Variants in FBN2 observed in about 807,000 individuals in gnomAD.
FBN2 encodes fibrillin-2.
In FBN2, 105 loss-of-function variants were observed where a neutral mutation model predicts 355.6. The ratio of observed to expected loss-of-function variants is 0.30; its 90% CI spans 0.25 to 0.35. FBN2 has a LOEUF of 0.35. FBN2 is among the 10% of genes least tolerant of loss of function. The pLI is 1.00. For missense variants in FBN2, 3,280 were observed against 3,758.7 expected, an observed-to-expected ratio of 0.87 and a Z score of 3.33; for synonymous variants, 1,350 against 1,301.2, an observed-to-expected ratio of 1.04 and a Z score of -0.81.
intron 34 of FBN2, 116 bp downstream of exon 34, chr5:128,328,580 A>T: frequency 9.5e-7 from 1 of 1,047,618 alleles, no homozygotes; most frequent in Non-Finnish European, 1.5e-6. Context: ...TGACTTTTAT[A>T]GTGCAGCATG....
At chr5:128,294,684 TG>T (rs1561753493) in intron 48 of FBN2, among the ~76,000 whole-genome samples, 1 of 149,230 alleles carries the variant, frequency 6.7e-6, no homozygotes, top group Admixed American at 6.7e-5. Flanking sequence ...TTGATGGGGT[TG>T]TTTGTTTTTT....
Position 128,537,583 on chromosome 5 carries a change from C to T in FBN2, c.21G>A (p.Leu7=), listed in dbSNP as rs1002853093. ...GCCACAGGAAGTAGAGCTGGAGACA[C>T]AGCCTCCGTCTTCTCCCCATCGCCG... MGRRRR[L]CLQLYFLWLG... is the part of the protein sequence containing the mutation. Residue 7 remains leucine (L), a synonymous_variant, in exon 1 of 65, where the codon CTG becomes CTA. Transcript: ENST00000262464. 7 of 1,607,424 alleles carry T rather than the reference C, an allele frequency of 4.4e-6. No individual in the cohort carries two copies. Among genetic ancestry groups the T allele is most frequent in the Non-Finnish European group, 5.1e-6 (6 of 1,178,238 alleles).
chr5:128,384,774 G>A (rs573946163), intron 11 of FBN2, among the ~76,000 whole-genome samples: 1 of 152,174 alleles, frequency 6.6e-6, no homozygotes, highest in South Asian at 2.1e-4. Context: ...CAAGGCTCTA[G>A]ATGAAATTAT....
At chr5:128,340,761 T>G (rs1314150843) in intron 25 of FBN2, among the ~76,000 whole-genome samples, 1 of 152,164 alleles carries the variant, frequency 6.6e-6, no homozygotes, top group African/African-American at 2.4e-5. Flanking sequence ...GACTATTTGT[T>G]AAGTGCTGAG....
At chr5:128,318,315 T>G in intron 35 of FBN2, 44 bp from the exon 36 acceptor site, 1 of 1,610,200 alleles carries the variant, frequency 6.2e-7, no homozygotes, top group Non-Finnish European at 8.5e-7. Context: ...TTTTTACTTT[T>G]TCTGTGCATA....
chr5:128,349,476 C>T lies in FBN2; in HGVS notation c.2864-4G>A, dbSNP rs759157353. On this transcript the variant is annotated splice_region_variant and splice_polypyrimidine_tract_variant and intron_variant, in intron 22 of 64. Transcript: ENST00000262464. Reference sequence around the variant, plus strand: ...AACACCTCACACTCATTAACATCTGCAGGGAAATGCAGCAAGCAGAGGAGC... The same window carrying T: ...AACACCTCACACTCATTAACATCTGTAGGGAAATGCAGCAAGCAGAGGAGC... 6.2e-6 allele frequency: 10 copies of T among 1,613,754 alleles called. No homozygotes were observed. The South Asian group carries it at 7.7e-5, about 12-fold the overall frequency.
intron 4 of FBN2, among the ~76,000 whole-genome samples, chr5:128,519,919 A>G (rs944862865): frequency 2.0e-5 from 3 of 152,188 alleles, no homozygotes; most frequent in African/African-American, 7.2e-5. Flanking sequence ...GAAGGGCAAA[A>G]CAAAGAAAAG....
chr5:128,537,758 C>G lies in FBN2; in HGVS notation c.-155G>C. On this transcript the variant is annotated 5_prime_UTR_variant, in exon 1 of 65. Coordinates refer to ENST00000262464, the MANE Select transcript of FBN2 (RefSeq NM_001999.4). Reference sequence around the variant, plus strand: ...GGCTCCCTGCTCTAGCTGGAGACCTCGACAGAGCGCCGGCCCCCTGACTGC... The same window carrying G: ...GGCTCCCTGCTCTAGCTGGAGACCTGGACAGAGCGCCGGCCCCCTGACTGC... The G allele has an allele frequency of 4.1e-6, 3 of 736,146 alleles. No individual in the cohort carries two copies. In the Admixed American group the frequency reaches 7.4e-5, roughly 18 times the overall value. The allele number at this position is 736,146 out of a possible 1,614,324, so 45.6% of individuals were successfully genotyped here. A position where few individuals can be genotyped will look rare whatever the true frequency, so the allele number is the denominator to read the frequency against.
Position 128,273,911 on chromosome 5 carries a change from T to C in FBN2, c.7769A>G (p.Asn2590Ser). 4 of 1,613,980 alleles carry C rather than the reference T, an allele frequency of 2.5e-6. No homozygotes were observed. Among genetic ancestry groups the C allele is most frequent in the Non-Finnish European group, 3.4e-6 (4 of 1,179,890 alleles). Residue 2590 changes from asparagine (N) to serine (S), a missense_variant, in exon 61 of 65, where the codon AAC becomes AGC. Physicochemically the swap from Asn to Ser is conservative, Grantham distance 46 (BLOSUM62 1). Around this residue, in one of 6 missense-constraint regions of FBN2, gnomAD observed 2,284 missense variants for 2,749.5 expected, o/e 0.83. Coordinates refer to ENST00000262464, the MANE Select transcript of FBN2 (RefSeq NM_001999.4). ...TTCACAGCTGAAACTGCCTGGAGTG[T>C]TTTGACAGATTCCCTTTGCTCCACA... ...SLCGAKGICQ[N>S]TPGSFSCECQ...
At chr5:128,487,363 C>CG (rs1259914682) in intron 5 of FBN2, among the ~76,000 whole-genome samples, 4 of 152,086 alleles carry the variant, frequency 2.6e-5, no homozygotes, top group Non-Finnish European at 5.9e-5. Context: ...GAGATTTTTA[C>CG]GGTTGGTTGT....
At chr5:128,269,945 T>C (rs771921062) in intron 62 of FBN2, among the ~76,000 whole-genome samples, 5 of 152,178 alleles carry the variant, frequency 3.3e-5, no homozygotes, top group African/African-American at 7.2e-5. Context: ...CTTCAAAGTA[T>C]ACAACAAGGC....
intron 41 of FBN2, among the ~76,000 whole-genome samples, chr5:128,308,423 C>T (rs918148717): frequency 6.6e-6 from 1 of 152,132 alleles, no homozygotes; most frequent in Non-Finnish European, 1.5e-5. Flanking sequence ...TGTTGCTTTT[C>T]ATCATTTCTC....
chr5:128,470,819 C>T (rs1445273052), intron 5 of FBN2, among the ~76,000 whole-genome samples: 1 of 151,882 alleles, frequency 6.6e-6, no homozygotes, highest in Non-Finnish European at 1.5e-5. Flanking sequence ...AATGCAGTTA[C>T]AGTGTACAAC....
intron 48 of FBN2, among the ~76,000 whole-genome samples, chr5:128,296,850 T>A (rs1189275421): frequency 1.3e-5 from 2 of 151,658 alleles, no homozygotes; most frequent in African/African-American, 4.8e-5. Context: ...AGTTCTGCTC[T>A]GATTTTAGTT....
intron 6 of FBN2, among the ~76,000 whole-genome samples, chr5:128,453,077 A>G (rs979691155): frequency 1.3e-5 from 2 of 152,228 alleles, no homozygotes; most frequent in South Asian, 4.1e-4. Flanking sequence ...GTGTCCTAGC[A>G]ATCATTTAAT....
At chr5:128,273,385 AAAAACAG>A (rs1247787937) in intron 61 of FBN2, among the ~76,000 whole-genome samples, 3 of 152,236 alleles carry the variant, frequency 2.0e-5, no homozygotes, top group African/African-American at 7.2e-5. Flanking sequence ...TTGACTCGTA[AAAAACAG>A]AAACAGCCAT....
chr5:128,348,679 G>A (rs562858287), intron 23 of FBN2, among the ~76,000 whole-genome samples: 3 of 151,496 alleles, frequency 2.0e-5, no homozygotes, highest in Admixed American at 6.5e-5. Flanking sequence ...AGCTTATTGG[G>A]GGAAAAAAAA....
chr5:128,406,715 C>A (rs10477684), intron 8 of FBN2, among the ~76,000 whole-genome samples: 16,785 of 152,174 alleles, frequency 0.11, 1,102 homozygotes, highest in African/African-American at 0.17. Flanking sequence ...TGAAAGTTCA[C>A]TGTGCTACTC....
intron 5 of FBN2, among the ~76,000 whole-genome samples, chr5:128,482,058 T>C (rs1581335177): frequency 6.6e-6 from 1 of 152,288 alleles, no homozygotes; most frequent in East Asian, 1.9e-4. Flanking sequence ...ATCCATAGGA[T>C]TGTTCTAACA....
Sources: allele counts gnomAD v4.1 joint callset (sites outside exome capture counted in the v4.1 genomes callset), GRCh38; gene constraint gnomAD v4.1.1; regional missense constraint gnomAD v4.1.1; transcripts MANE v1.5; gene names NCBI Gene and HGNC (gene_info 2026-07-23, HGNC 2026-07-21).